Variants in ACAD11 observed in about 807,000 individuals in gnomAD.
ACAD11 encodes acyl-Coenzyme A dehydrogenase family, member 11.
Under a neutral mutation model 102.2 loss-of-function variants are expected in ACAD11, and 83 were observed. That is an observed-to-expected ratio of 0.81 (90% CI 0.68 to 0.97). The LOEUF (loss-of-function observed/expected upper bound fraction) is 0.97. Ranked by LOEUF, ACAD11 falls within the 50% of genes least tolerant of loss-of-function variation. ACAD11 has a pLI of 0.00. For missense variants in ACAD11, 901 were observed against 951.7 expected (o/e 0.95, Z 0.70); for synonymous variants, 324 against 319.8 (o/e 1.01, Z -0.14).
chr3:132,609,632 G>A (rs1271908329), intron 11 of ACAD11, among the ~76,000 whole-genome samples: 1 of 152,122 alleles, frequency 6.6e-6, no homozygotes, highest in South Asian at 2.1e-4. Flanking sequence ...AACTGAGGCA[G>A]TAATTAATAG....
At chr3:132,563,749 T>C (rs1324101807) in intron 17 of ACAD11, among the ~76,000 whole-genome samples, 2 of 152,216 alleles carry the variant, frequency 1.3e-5, no homozygotes, top group Non-Finnish European at 2.9e-5. Flanking sequence ...TACTTCTTTT[T>C]TCCCCCAACT....
intron 11 of ACAD11, among the ~76,000 whole-genome samples, chr3:132,617,045 C>T (rs1019586920): frequency 6.6e-6 from 1 of 152,130 alleles, no homozygotes; most frequent in Admixed American, 6.5e-5. Context: ...CCTGCATTAA[C>T]TTGTTTTTGG....
chr3:132,583,752 T>A (rs1293032734), intron 13 of ACAD11, among the ~76,000 whole-genome samples: 1 of 152,234 alleles, frequency 6.6e-6, no homozygotes, highest in Non-Finnish European at 1.5e-5. Flanking sequence ...ATGTTGTGTC[T>A]TTGTTCTCGT....
intron 11 of ACAD11, among the ~76,000 whole-genome samples, chr3:132,610,917 T>C (rs974204739): frequency 8.6e-5 from 13 of 151,526 alleles, no homozygotes; most frequent in Non-Finnish European, 1.5e-4. Context: ...AGAGACACAA[T>C]AAAAAAAGAG....
At chr3:132,633,524 T>C (rs1374760440) in intron 5 of ACAD11, among the ~76,000 whole-genome samples, 1 of 151,662 alleles carries the variant, frequency 6.6e-6, no homozygotes, top group African/African-American at 2.4e-5. Context: ...GGGATATTGG[T>C]CTAAAATTCT....
rs1032661893 is a variant in ACAD11, at chr3:132,602,145, T to A, written c.1621+1084A>T. 7 of 166,820 alleles carry A rather than the reference T, an allele frequency of 4.2e-5. No individual in the cohort carries two copies. The South Asian group carries it at 8.3e-4, about 20-fold the overall frequency. 10.3% of individuals were successfully genotyped at this position (166,820 alleles called of 1,614,324 possible). ...CAACTATCTTTTTTCCTGTTTTTTT[T>A]AAATTTGTAAGTAATTTTATAAAAT... On this transcript the variant is annotated intron_variant, in intron 13 of 19. Transcript: ENST00000264990.
intron 11 of ACAD11, among the ~76,000 whole-genome samples, chr3:132,608,097 C>T (rs1259015885): frequency 1.3e-5 from 2 of 152,168 alleles, no homozygotes; most frequent in Non-Finnish European, 2.9e-5. Context: ...CACCACCAGG[C>T]CTGTCTTACA....
chr3:132,576,314 T>C (rs1559935952), intron 16 of ACAD11, among the ~76,000 whole-genome samples: 1 of 152,172 alleles, frequency 6.6e-6, no homozygotes, highest in Admixed American at 6.5e-5. Flanking sequence ...TTTCTGTTCA[T>C]CATTATAACC....
chr3:132,628,344 T>C lies in ACAD11; in HGVS notation c.1066A>G (p.Lys356Glu). ...CAAGGAATCTGTTTTCCTTACCGTT[T>C]GGAGAGTTGTAGTCCAGTTTCTGCC... ...PLAETGLQLSKRTFSTVLPQI... is the reference protein window; with the variant it reads ...PLAETGLQLSERTFSTVLPQI... Residue 356 changes from lysine to glutamate, a missense_variant, in exon 8 of 20, where the codon AAA becomes GAA. Physicochemically the swap from Lys to Glu is moderately conservative, Grantham distance 56 (BLOSUM62 1). Coordinates refer to ENST00000264990, the MANE Select transcript of ACAD11 (RefSeq NM_032169.5). 1 of 1,610,416 alleles carries C rather than the reference T, an allele frequency of 6.2e-7. No homozygotes were observed. Among genetic ancestry groups the C allele is most frequent in the African/African-American group, 1.3e-5 (1 of 74,858 alleles).
chr3:132,591,916 G>A (rs1938097200), intron 13 of ACAD11, among the ~76,000 whole-genome samples: 1 of 151,988 alleles, frequency 6.6e-6, no homozygotes, highest in Non-Finnish European at 1.5e-5. Context: ...AAACAAAAAT[G>A]TTGCCACAGC....
In ACAD11 at chr3:132,565,350, T is replaced by A. The variant is rs373976111; in HGVS notation, c.2002-4133A>T. On this transcript the variant is annotated intron_variant, in intron 17 of 19. Coordinates refer to ENST00000264990, the MANE Select transcript of ACAD11 (RefSeq NM_032169.5). The stretch of plus-strand genomic sequence containing the variant: ...TCCAAATGGGATGCCTGGACTTTCA[T>A]CCCACCTGGCAGTATGAGGGCATCA... Among the ~76,000 whole-genome samples, 20 of 152,238 alleles carry A rather than the reference T, an allele frequency of 1.3e-4. No individual in the cohort carries two copies. In the South Asian group the frequency reaches 4.1e-3, roughly 32 times the overall value.
chr3:132,647,987 G>A (rs1399751675), intron 1 of ACAD11, among the ~76,000 whole-genome samples: 2 of 152,098 alleles, frequency 1.3e-5, no homozygotes, highest in East Asian at 3.9e-4. Context: ...TGAGGTCACT[G>A]TACTCATGAT....
chr3:132,649,901 C>T (rs1454934169), intron 1 of ACAD11: 4 of 152,172 alleles, frequency 2.6e-5, no homozygotes, highest in South Asian at 2.1e-4. Flanking sequence ...TGGATTTCCA[C>T]AAATTTAAAT....
intron 6 of ACAD11, among the ~76,000 whole-genome samples, chr3:132,631,102 G>A (rs10804611): frequency 0.41 from 62,271 of 151,842 alleles, 15,708 homozygotes; most frequent in East Asian, 0.71. Context: ...ATGTATACAT[G>A]TGTAAAAAAC....
chr3:132,583,374 T>C (rs1036328711), intron 13 of ACAD11, among the ~76,000 whole-genome samples: 2 of 152,210 alleles, frequency 1.3e-5, no homozygotes, highest in African/African-American at 2.4e-5. Context: ...GTAGTTTGTA[T>C]TTCTGTGGGA....
chr3:132,659,609 T>A lies in ACAD11; in HGVS notation c.143A>T (p.Gln48Leu), dbSNP rs200581158. The change falls in exon 1 of 20, where the codon CAG becomes CTG. Residue 48 changes from glutamine (Q) to leucine (L), a missense_variant. Physicochemically the swap from Gln to Leu is moderately radical, Grantham distance 113 (BLOSUM62 -2). Transcript: ENST00000264990. ...AEREATLTIA[Q>L]YRAGKSNPTF... ...CAAAGGCTGACATCCATACCTGTAC[T>A]GGGCAATGGTCAGCGTAGCCTCACG... 2 of 1,610,454 alleles carry A rather than the reference T, an allele frequency of 1.2e-6. No individual in the cohort carries two copies. The highest frequency in any genetic ancestry group is 1.7e-6 in the Non-Finnish European group (2 of 1,178,514).
chr3:132,634,573 T>C (rs991564212), intron 5 of ACAD11, among the ~76,000 whole-genome samples: 2 of 151,900 alleles, frequency 1.3e-5, no homozygotes, highest in Non-Finnish European at 2.9e-5. Flanking sequence ...CCCAAAGGAG[T>C]ATAAATCATG....
At chr3:132,627,197 A>G in intron 8 of ACAD11, 1 of 158,018 alleles carries the variant, frequency 6.3e-6, no homozygotes, top group Non-Finnish European at 1.4e-5. Flanking sequence ...CAAGGGGAGG[A>G]GCCTGGCCTC....
chr3:132,642,603 A>G (rs1940566349), intron 3 of ACAD11, 74 bp downstream of exon 3: 17 of 1,370,036 alleles, frequency 1.2e-5, no homozygotes, highest in Non-Finnish European at 1.7e-5. Context: ...TTTATTAAGT[A>G]TCATAATAAA....
Sources: allele counts gnomAD v4.1 joint callset (sites outside exome capture counted in the v4.1 genomes callset), GRCh38; gene constraint gnomAD v4.1.1; transcripts MANE v1.5; gene names NCBI Gene and HGNC (gene_info 2026-07-23, HGNC 2026-07-21).